Variants in TOP6BL observed in about 807,000 individuals in gnomAD.
TOP6BL encodes type 2 DNA topoisomerase 6 subunit B-like.
At chr11:66,796,054 A>G in the TOP6BL span, 3,999 of 464,014 alleles carry the variant, frequency 8.6e-3, 147 homozygotes, top group African/African-American at 0.068. Context: ...TCTGATCTTT[A>G]TTCTCGTGTC....
At chr11:66,760,289 CA>C in the TOP6BL span, among the ~76,000 whole-genome samples, 2 of 149,514 alleles carry the variant, frequency 1.3e-5, no homozygotes, top group Non-Finnish European at 3.0e-5. Context: ...ACTAAAAATA[CA>C]AAAATTAGCC....
chr11:66,833,371 C>G, the TOP6BL span, among the ~76,000 whole-genome samples: 6 of 152,062 alleles, frequency 3.9e-5, no homozygotes, highest in Non-Finnish European at 7.4e-5. Flanking sequence ...CCAGGCTAAT[C>G]CTGTCTTGCG....
the TOP6BL span, chr11:66,815,761 G>C: frequency 3.7e-6 from 1 of 266,680 alleles, no homozygotes. Context: ...GCCTTAGAAA[G>C]TTGTACAAGG....
chr11:66,842,076 G>T, the TOP6BL span, among the ~76,000 whole-genome samples: 6 of 152,028 alleles, frequency 3.9e-5, no homozygotes, highest in African/African-American at 1.5e-4. Context: ...ATGCGCCTGT[G>T]GTTCCTGGTA....
the TOP6BL span, chr11:66,843,150 G>A: frequency 6.2e-7 from 1 of 1,610,508 alleles, no homozygotes; most frequent in Non-Finnish European, 8.5e-7. Context: ...CCTCACCCCG[G>A]GCCCCCTTGT....
chr11:66,745,848 T>C, the TOP6BL span, among the ~76,000 whole-genome samples: 2 of 152,230 alleles, frequency 1.3e-5, no homozygotes, highest in East Asian at 3.9e-4. Flanking sequence ...TCTCGCTCTT[T>C]CGCCCAGGCT....
chr11:66,799,224 A>C, the TOP6BL span, among the ~76,000 whole-genome samples: 1 of 150,946 alleles, frequency 6.6e-6, no homozygotes, highest in African/African-American at 2.4e-5. Flanking sequence ...AAAAAAAAAA[A>C]AAAATACAAA....
the TOP6BL span, among the ~76,000 whole-genome samples, chr11:66,798,618 AAAAG>A: frequency 6.6e-6 from 1 of 151,296 alleles, no homozygotes; most frequent in East Asian, 1.9e-4. Flanking sequence ...AAAAAAAAAA[AAAAG>A]TTAAGGGATA....
chr11:66,799,179 C>CATGGGTG, the TOP6BL span, among the ~76,000 whole-genome samples: 5 of 108,592 alleles, frequency 4.6e-5, no homozygotes, highest in Admixed American at 1.3e-4. Context: ...TGCACTCCAG[C>CATGGGTG]ATGGGTGACA....
At chr11:66,758,302 C>CTTTTTTTTTTTTTTTTTTTTT in the TOP6BL span, 17 of 67,328 alleles carry the variant, frequency 2.5e-4, 4 homozygotes, top group Non-Finnish European at 3.0e-4. Context: ...TTTTCTTTTT[C>CTTTTTTTTTTTTTTTTTTTTT]TTTTTTTTTT....
At chr11:66,828,439 A>T in the TOP6BL span, 11 of 1,142,990 alleles carry the variant, frequency 9.6e-6, no homozygotes, top group Non-Finnish European at 1.3e-5. Context: ...GAGGGTGGGT[A>T]GGTACAAGTG....
chr11:66,826,051 G>C, the TOP6BL span, among the ~76,000 whole-genome samples: 1 of 152,172 alleles, frequency 6.6e-6, no homozygotes, highest in South Asian at 2.1e-4. Flanking sequence ...CATCGTGTTA[G>C]CTAGGATGGT....
the TOP6BL span, among the ~76,000 whole-genome samples, chr11:66,810,717 A>T: frequency 6.6e-6 from 1 of 152,196 alleles, no homozygotes; most frequent in East Asian, 1.9e-4. Flanking sequence ...TTAACCCTTT[A>T]TCTGTAGCTA....
the TOP6BL span, chr11:66,839,076 C>T: frequency 2.2e-5 from 10 of 455,438 alleles, no homozygotes; most frequent in Middle Eastern, 3.3e-4. Context: ...AGTGTCAGTG[C>T]GTGGGTTGTG....
the TOP6BL span, among the ~76,000 whole-genome samples, chr11:66,804,724 G>T: frequency 1.3e-5 from 2 of 152,042 alleles, no homozygotes; most frequent in Non-Finnish European, 2.9e-5. Flanking sequence ...GATCACTTGA[G>T]GTCAGGGGTT....
At chr11:66,797,247 A>T in the TOP6BL span, among the ~76,000 whole-genome samples, 1 of 151,158 alleles carries the variant, frequency 6.6e-6, no homozygotes, top group Non-Finnish European at 1.5e-5. Context: ...TGATCCACAC[A>T]CCTCAGCCTC....
chr11:66,758,302 C>CTTGTTTTTTTTTTTTTTTTTTTTT, the TOP6BL span: 1 of 67,318 alleles, frequency 1.5e-5, no homozygotes, highest in Non-Finnish European at 2.5e-5. Context: ...TTTTCTTTTT[C>CTTGTTTTTTTTTTTTTTTTTTTTT]TTTTTTTTTT....
the TOP6BL span, among the ~76,000 whole-genome samples, chr11:66,795,569 C>T: frequency 4.6e-5 from 7 of 152,018 alleles, no homozygotes; most frequent in Non-Finnish European, 7.4e-5. Flanking sequence ...CCCAAAGTGC[C>T]GGGATTACAG....
chr11:66,761,271 T>C, the TOP6BL span, among the ~76,000 whole-genome samples: 1 of 151,664 alleles, frequency 6.6e-6, no homozygotes, highest in Non-Finnish European at 1.5e-5. Flanking sequence ...CTCCAGAGGC[T>C]GAGGCAGGAG....
Sources: gnomAD v4.1 joint callset for allele counts (sites outside exome capture counted in the v4.1 genomes callset) on GRCh38, gnomAD v4.1.1 for gene constraint, MANE v1.5 for transcripts, NCBI Gene and HGNC (gene_info 2026-07-23, HGNC 2026-07-21) for gene names.